The following VRK1 variants were observed in gnomAD, a reference collection of about 807,000 sequenced individuals.
VRK1 encodes serine/threonine-protein kinase VRK1.
Under a neutral mutation model 57.1 loss-of-function variants are expected in VRK1, and 33 were observed. That is an observed-to-expected ratio of 0.58 (90% confidence interval 0.44 to 0.77). VRK1 has a LOEUF of 0.77. VRK1 is among the 30% of genes least tolerant of loss of function. The pLI, the probability that VRK1 is intolerant of heterozygous loss-of-function variation, is 0.00. For synonymous variants in VRK1, 137 were observed against 147.8 expected (o/e 0.93, Z 0.53); for missense variants, 413 against 477.3 (o/e 0.87, Z 1.25).
chr14:96,880,720 T>C (rs77878435), intron 12 of VRK1, among the ~76,000 whole-genome samples: 2,195 of 152,294 alleles, frequency 0.014, 58 homozygotes, highest in African/African-American at 0.049. Context: ...GCCTCAAGGG[T>C]GTAGCTAATA....
chr14:96,825,538 G>A (rs1886767340), intron 1 of VRK1, among the ~76,000 whole-genome samples: 2 of 152,148 alleles, frequency 1.3e-5, no homozygotes, highest in African/African-American at 2.4e-5. Flanking sequence ...TCTCATATAC[G>A]AGGAGCTTAT....
chr14:96,875,932 A>G (rs1477664791), intron 11 of VRK1, 98 bp from the exon 12 acceptor site: 2 of 1,274,288 alleles, frequency 1.6e-6, no homozygotes, highest in Non-Finnish European at 2.2e-6. Flanking sequence ...ACCCACACCT[A>G]TATACATTTA....
chr14:96,823,445 T>G (rs1372697545), intron 1 of VRK1, among the ~76,000 whole-genome samples: 1 of 152,240 alleles, frequency 6.6e-6, no homozygotes, highest in East Asian at 1.9e-4. Flanking sequence ...ATTTATGTAA[T>G]TAGCATCTAT....
chr14:96,831,433 T>G (rs79266976), intron 1 of VRK1, among the ~76,000 whole-genome samples: 1,726 of 152,316 alleles, frequency 0.011, 23 homozygotes, highest in South Asian at 0.055. Context: ...ATATTGAAGA[T>G]ACTGACAGCG....
chr14:96,853,233 A>T, intron 7 of VRK1, 67 bp downstream of exon 7: 1 of 1,401,412 alleles, frequency 7.1e-7, no homozygotes. Context: ...GGTTGCTTTG[A>T]ACTTTTGAAC....
chr14:96,813,471 A>G (rs1156908499), intron 1 of VRK1, among the ~76,000 whole-genome samples: 2 of 152,102 alleles, frequency 1.3e-5, no homozygotes, highest in South Asian at 2.1e-4. Context: ...AGCTTTTTTC[A>G]TATATTCTTC....
chr14:96,842,157 T>C (rs904497227), intron 3 of VRK1, among the ~76,000 whole-genome samples: 1 of 152,202 alleles, frequency 6.6e-6, no homozygotes, highest in African/African-American at 2.4e-5. Flanking sequence ...TTTGAATACT[T>C]TTTAGCCATT....
intron 11 of VRK1, among the ~76,000 whole-genome samples, chr14:96,866,949 A>T (rs1315305115): frequency 6.6e-6 from 1 of 152,196 alleles, no homozygotes; most frequent in Non-Finnish European, 1.5e-5. Flanking sequence ...TAATTTGTTT[A>T]TGTGTGTGAA....
intron 3 of VRK1, among the ~76,000 whole-genome samples, chr14:96,841,529 A>G (rs1445551693): frequency 6.6e-6 from 1 of 152,080 alleles, no homozygotes; most frequent in Admixed American, 6.6e-5. Context: ...AACTTTTTGG[A>G]TGTTACAGTT....
At chr14:96,878,354 T>G (rs1475061698) in intron 12 of VRK1, among the ~76,000 whole-genome samples, 1 of 152,216 alleles carries the variant, frequency 6.6e-6, no homozygotes, top group Non-Finnish European at 1.5e-5. Context: ...CACTGTGTTT[T>G]AGGGCTTTAA....
intron 12 of VRK1, chr14:96,877,613 A>G: frequency 7.8e-7 from 1 of 1,286,908 alleles, no homozygotes; most frequent in Non-Finnish European, 1.0e-6. Context: ...ATAAATATAC[A>G]GCAATATTCT....
chr14:96,807,841 T>TTGGCAGTTTCTAGCCTAAAAGAACATGTA (rs1255011308), intron 1 of VRK1, among the ~76,000 whole-genome samples: 2 of 152,210 alleles, frequency 1.3e-5, no homozygotes, highest in Admixed American at 1.3e-4. Context: ...CTTGGTTTAA[T>TTGGCAGTTTCTAGCCTAAAAGAACATGTA]TGGCAGTTTC....
intron 11 of VRK1, among the ~76,000 whole-genome samples, chr14:96,864,049 T>C (rs1334476527): frequency 6.6e-6 from 1 of 152,216 alleles, no homozygotes; most frequent in Non-Finnish European, 1.5e-5. Context: ...AAAGATAAAC[T>C]GTATTTTAAT....
At chr14:96,876,947 A>G (rs1055149490) in intron 12 of VRK1, among the ~76,000 whole-genome samples, 4 of 152,158 alleles carry the variant, frequency 2.6e-5, no homozygotes, top group South Asian at 2.1e-4. Flanking sequence ...GATATGTTTA[A>G]TAAACTGCCA....
chr14:96,850,179 G>T (rs1012789373), intron 5 of VRK1, among the ~76,000 whole-genome samples: 1 of 152,150 alleles, frequency 6.6e-6, no homozygotes, highest in African/African-American at 2.4e-5. Context: ...CTCTTAAAAA[G>T]AATCATTATA....
intron 11 of VRK1, 155 bp downstream of exon 11, chr14:96,860,890 G>T: frequency 1.6e-6 from 1 of 639,636 alleles, no homozygotes; most frequent in South Asian, 2.7e-5. Flanking sequence ...TGTGTAGAGG[G>T]TTGTAGAAAA....
At chr14:96,854,691 A>AT (rs1419386552) in intron 7 of VRK1, among the ~76,000 whole-genome samples, 1 of 152,206 alleles carries the variant, frequency 6.6e-6, no homozygotes, top group Non-Finnish European at 1.5e-5. Flanking sequence ...TTAGATCATT[A>AT]TTATGATGTA....
At chr14:96,821,413 G>A (rs553777245) in intron 1 of VRK1, among the ~76,000 whole-genome samples, 1 of 152,050 alleles carries the variant, frequency 6.6e-6, no homozygotes, top group East Asian at 1.9e-4. Flanking sequence ...TGTTTTTTGA[G>A]GGGGAGGGCA....
chr14:96,798,661 G>T (rs1297164433), intron 1 of VRK1, among the ~76,000 whole-genome samples: 6 of 152,258 alleles, frequency 3.9e-5, no homozygotes, highest in Non-Finnish European at 2.9e-5. Context: ...ATTTTCAAGA[G>T]TTGACAATAA....
Sources: gnomAD v4.1 joint callset for allele counts (sites outside exome capture counted in the v4.1 genomes callset) on GRCh38, gnomAD v4.1.1 for gene constraint, MANE v1.5 for transcripts, NCBI Gene and HGNC (gene_info 2026-07-23, HGNC 2026-07-21) for gene names.